The following WDR73 variants were observed in gnomAD, a reference collection of about 807,000 sequenced individuals.
WDR73 encodes WD repeat domain 73, also known as integrator complex assembly factor WDR73.
WDR73 carries 30 observed loss-of-function variants against 38.2 expected under a neutral mutation model. The observed-to-expected ratio is 0.79, with a 90% CI of 0.59 to 1.06. WDR73 has a LOEUF of 1.06. WDR73 is among the 50% of genes least tolerant of loss of function. The probability of loss-of-function intolerance (pLI) is 0.00; values close to 1 mark genes in which losing one functional copy is unlikely to be tolerated. For synonymous variants in WDR73, 197 were observed against 176.0 expected, an observed-to-expected ratio of 1.12 and a Z score of -0.94; for missense variants, 487 against 467.0, an observed-to-expected ratio of 1.04 and a Z score of -0.40.
chr15:84,646,179 G>A lies in WDR73; in HGVS notation c.517+5C>T, dbSNP rs779154918. The A allele has an allele frequency of 1.7e-5, 28 of 1,613,324 alleles. No individual in the cohort carries two copies. The highest frequency in any genetic ancestry group is 5.5e-5 in the South Asian group (5 of 91,078). ...CAGCAAGCAAGGGACAAAGTACCAC[G>A]GTACCTGAGGTGTACGTGGTCTTCC... On this transcript the variant is annotated splice_donor_5th_base_variant and intron_variant, in intron 6 of 7. Transcript: ENST00000434634.
intron 6 of WDR73, 114 bp downstream of exon 6, chr15:84,646,070 T>G: frequency 2.6e-6 from 4 of 1,562,410 alleles, no homozygotes; most frequent in Non-Finnish European, 3.5e-6. Flanking sequence ...TCTTATTCAC[T>G]GTGTATCCCC....
At chr15:84,645,104 C>T (rs752429699) in intron 7 of WDR73, 7 of 833,438 alleles carry the variant, frequency 8.4e-6, no homozygotes, top group Non-Finnish European at 1.1e-5. Flanking sequence ...GCGCCTGCCA[C>T]CATGCCTGGC....
chr15:84,646,201 T>C lies in WDR73; in HGVS notation c.500A>G (p.Lys167Arg). The change falls in exon 6 of 8, where the codon AAG becomes AGG. Residue 167 changes from lysine to arginine, a missense_variant. Lys to Arg is a conservative substitution (Grantham distance 26, BLOSUM62 2). Transcript: ENST00000434634. ...SLQVVDLESRKTTYTSDVSDS... is the reference protein window; with the variant it reads ...SLQVVDLESRRTTYTSDVSDS... ...CACGGTACCTGAGGTGTACGTGGTC[T>C]TCCGGGACTCCAGATCAACGACCTG... 1.2e-6 allele frequency: 2 copies of C among 1,613,798 alleles called. No homozygotes were observed. Among genetic ancestry groups the C allele is most frequent in the Non-Finnish European group, 1.7e-6 (2 of 1,179,894 alleles).
Position 84,650,578 on chromosome 15 carries a change from C to A in WDR73, c.199-1953G>T, listed in dbSNP as rs140716065. On this transcript the variant is annotated intron_variant, in intron 3 of 7. Transcript: ENST00000434634. The stretch of plus-strand genomic sequence containing the variant: ...GTTTCACCATATTGGCCAGACTGGT[C>A]TCGAACTCCTGACCTTGTGATCCGC... 4.0e-3 allele frequency among the ~76,000 whole-genome samples: 603 copies of A among 152,268 alleles called. 3 individuals are homozygous for A. Among genetic ancestry groups the A allele is most frequent in the African/African-American group, 0.014 (573 of 41,538 alleles).
chr15:84,653,570 G>A, intron 2 of WDR73, 62 bp downstream of exon 2: 1 of 1,354,568 alleles, frequency 7.4e-7, no homozygotes, highest in Non-Finnish European at 1.0e-6. Flanking sequence ...TCTAGGCTTA[G>A]CTCCTGAAAC....
chr15:84,651,143 G>C (rs1264310354), intron 3 of WDR73, among the ~76,000 whole-genome samples: 1 of 151,258 alleles, frequency 6.6e-6, no homozygotes, highest in Non-Finnish European at 1.5e-5. Context: ...AGAAGTTTGG[G>C]GCCAGGAGTG....
At chr15:84,653,945 G>A in intron 1 of WDR73, 2 of 603,466 alleles carry the variant, frequency 3.3e-6, no homozygotes, top group Non-Finnish European at 5.9e-6. Flanking sequence ...AGGAATCAAT[G>A]AGATCATCTG....
chr15:84,649,312 G>A (rs577451662), intron 3 of WDR73, among the ~76,000 whole-genome samples: 1 of 152,334 alleles, frequency 6.6e-6, no homozygotes, highest in Non-Finnish European at 1.5e-5. Flanking sequence ...AAAGCTGGTG[G>A]TGAGCGGGGA....
Position 84,643,622 on chromosome 15 carries a change from C to T in WDR73, c.985G>A (p.Gly329Ser), listed in dbSNP as rs775378173. ...SQVEPLFTHR[G>S]HIFLDGNGMD... ...CCATTTCCATCTAGGAAGATGTGAC[C>T]TCTGTGAGTGAAGAGAGGTTCTACT... is the stretch of plus-strand genomic sequence containing the variant. Residue 329 changes from glycine to serine, a missense_variant, in exon 8 of 8, where the codon GGT (glycine) becomes AGT (serine). Transcript: ENST00000434634. 6.2e-7 allele frequency: 1 copy of T among 1,612,758 alleles called. No homozygotes were observed. The highest frequency in any genetic ancestry group is 1.1e-5 in the South Asian group (1 of 90,664).
At chr15:84,646,561 T>C (rs929005358) in intron 5 of WDR73, 21 of 729,146 alleles carry the variant, frequency 2.9e-5, no homozygotes, top group Middle Eastern at 4.6e-4. Context: ...ATTTGTCTTA[T>C]AAACTGTTTT....
chr15:84,646,449 A>G (rs565103283), intron 5 of WDR73, 101 bp from the exon 6 acceptor site: 5 of 1,495,338 alleles, frequency 3.3e-6, no homozygotes, highest in East Asian at 2.3e-5. Flanking sequence ...AGATCAAGGA[A>G]GAAAAGGAGC....
chr15:84,652,853 A>G (rs920227155), intron 2 of WDR73, 51 bp from the exon 3 acceptor site: 5 of 1,117,262 alleles, frequency 4.5e-6, no homozygotes, highest in Non-Finnish European at 5.1e-6. Context: ...AAGATTGCAG[A>G]CCATGCAATC....
rs546508600 is a variant in WDR73 at position 84,642,498 on chromosome 15, A to G, written c.*972T>C. 4 of 152,246 alleles carry G rather than the reference A, an allele frequency of 2.6e-5. No homozygotes were observed. Among genetic ancestry groups the G allele is most frequent in the Admixed American group, 6.5e-5 (1 of 15,274 alleles). 9.4% of individuals were successfully genotyped at this position (152,246 alleles called of 1,614,324 possible). ...GTGTGTGTGTGTGTAACAGGGTCTC[A>G]TTCTGTTGCCCAGGCTGGAATACAG... On this transcript the variant is annotated 3_prime_UTR_variant, in exon 8 of 8. Transcript: ENST00000434634.
In WDR73 at chr15:84,647,955, CTA is replaced by C; in HGVS notation, c.288-3_288-2del. 6.2e-7 allele frequency: 1 copy of C among 1,614,022 alleles called. No homozygotes were observed. The highest frequency in any genetic ancestry group is 8.5e-7 in the Non-Finnish European group (1 of 1,179,882). On this transcript the variant is annotated splice_acceptor_variant and splice_polypyrimidine_tract_variant and intron_variant, in intron 4 of 7. Transcript: ENST00000434634. LOFTEE classifies it high-confidence loss of function. ...TGGAAGGCCACTGGTAACCAGCAAT[CTA>C]TTCAGAAAAGACAAAATCAGTCCAG...
intron 2 of WDR73, chr15:84,653,193 A>C (rs780644317): frequency 5.0e-5 from 10 of 198,184 alleles, no homozygotes; most frequent in Non-Finnish European, 7.2e-5. Flanking sequence ...CCCAGCCTGA[A>C]GACTTTTTTT....
chr15:84,653,917 T>C (rs1226485818), intron 1 of WDR73: 12 of 604,016 alleles, frequency 2.0e-5, no homozygotes, highest in Middle Eastern at 4.3e-4. Context: ...GGTACCCAGA[T>C]TTCCCAAGGT....
chr15:84,643,455 G>T lies in WDR73; in HGVS notation c.*15C>A. On this transcript the variant is annotated 3_prime_UTR_variant, in exon 8 of 8. Coordinates refer to ENST00000434634, the MANE Select transcript of WDR73 (RefSeq NM_032856.5). ...TCCTCCCCTTTCTAGAGGCCTAGAT[G>T]GAAAGATGCTGGTGTCAGCGGGGGG... The T allele has an allele frequency of 5.2e-6, 8 of 1,550,840 alleles. No homozygotes were observed. Among genetic ancestry groups the T allele is most frequent in the Non-Finnish European group, 7.0e-6 (8 of 1,147,054 alleles).
At position 84,640,196 on chromosome 15, in the gene WDR73, A is replaced by C. The variant is rs1896215278; in HGVS notation, c.*3274T>G. 1.3e-5 allele frequency: 2 copies of C among 152,190 alleles called. No individual in the cohort carries two copies. Among genetic ancestry groups the C allele is most frequent in the African/African-American group, 4.8e-5 (2 of 41,426 alleles). The allele number at this position is 152,190 out of a possible 1,614,324, so 9.4% of individuals were successfully genotyped here. ...AACTCTCCCCCACAATGGACCTCAG[A>C]GCAGTGGGAGCGACGCAGTCCTGTG... On this transcript the variant is annotated 3_prime_UTR_variant, in exon 8 of 8. Coordinates refer to ENST00000434634, the MANE Select transcript of WDR73 (RefSeq NM_032856.5).
intron 3 of WDR73, 45 bp downstream of exon 3, chr15:84,652,665 TAATA>T (rs1896660299): frequency 5.2e-6 from 6 of 1,157,386 alleles, no homozygotes; most frequent in African/African-American, 3.1e-5. Flanking sequence ...CACAAATGTT[TAATA>T]AATAAATAAA....
Sources: allele counts gnomAD v4.1 joint callset (sites outside exome capture counted in the v4.1 genomes callset), GRCh38; gene constraint gnomAD v4.1.1; transcripts MANE v1.5; gene names NCBI Gene and HGNC (gene_info 2026-07-23, HGNC 2026-07-21).